The following GCNT2 variants were observed in gnomAD, a reference collection of about 807,000 sequenced individuals.
The protein encoded by GCNT2 is glucosaminyl (N-acetyl) transferase 2 (I blood group).
GCNT2 carries 34 observed loss-of-function variants against 34.2 expected under a neutral mutation model. That is an observed-to-expected ratio of 1.00 (90% CI 0.76 to 1.32). The LOEUF is 1.32. Ranked by LOEUF, GCNT2 falls within the 40% of genes most tolerant of loss-of-function variation. The probability of loss-of-function intolerance (pLI) is 0.00; values close to 1 mark genes in which losing one functional copy is unlikely to be tolerated. For synonymous variants in GCNT2, 212 were observed against 188.0 expected (o/e 1.13, Z -1.04); for missense variants, 584 against 489.4 (o/e 1.19, Z -1.82).
chr6:10,556,239 T>C (rs1247452725), intron 3 of GCNT2: 4 of 1,448,794 alleles, frequency 2.8e-6, no homozygotes, highest in East Asian at 5.0e-5. Context: ...CTGGCTGTAA[T>C]ATCGGCACAG....
chr6:10,546,435 G>A (rs758626333), intron 3 of GCNT2, among the ~76,000 whole-genome samples: 192 of 152,236 alleles, frequency 1.3e-3, no homozygotes, highest in Middle Eastern at 6.8e-3. Flanking sequence ...GAGGTGGGCG[G>A]ATCATGAGGT....
intron 3 of GCNT2, among the ~76,000 whole-genome samples, chr6:10,559,316 A>G (rs1762866911): frequency 6.6e-6 from 1 of 152,198 alleles, no homozygotes; most frequent in Non-Finnish European, 1.5e-5. Context: ...CGACATCTAC[A>G]TGGGTAGAGG....
At chr6:10,610,054 G>C (rs1300605276) in intron 3 of GCNT2, among the ~76,000 whole-genome samples, 1 of 152,202 alleles carries the variant, frequency 6.6e-6, no homozygotes, top group Non-Finnish European at 1.5e-5. Flanking sequence ...TGCAGACAGA[G>C]AGACCCACTG....
At chr6:10,607,389 C>T (rs1386482112) in intron 3 of GCNT2, among the ~76,000 whole-genome samples, 2 of 152,126 alleles carry the variant, frequency 1.3e-5, no homozygotes, top group Non-Finnish European at 2.9e-5. Flanking sequence ...AGATGCCACA[C>T]ACTTTTAAAC....
intron 3 of GCNT2, among the ~76,000 whole-genome samples, chr6:10,613,940 G>A (rs1056250053): frequency 6.6e-6 from 1 of 152,124 alleles, no homozygotes; most frequent in African/African-American, 2.4e-5. Flanking sequence ...CTCAGCCTGG[G>A]ATCAGTCTCT....
chr6:10,622,988 C>T (rs905488428), intron 4 of GCNT2, among the ~76,000 whole-genome samples: 4 of 151,682 alleles, frequency 2.6e-5, no homozygotes, highest in African/African-American at 7.3e-5. Flanking sequence ...CTCTTGACCT[C>T]GTGATCTGCC....
intron 3 of GCNT2, among the ~76,000 whole-genome samples, chr6:10,550,805 C>T (rs1337074665): frequency 1.3e-5 from 2 of 152,188 alleles, no homozygotes; most frequent in African/African-American, 2.4e-5. Flanking sequence ...ATTAAACTCA[C>T]CTGGAACCTA....
At chr6:10,542,624 C>T (rs895991513) in intron 3 of GCNT2, among the ~76,000 whole-genome samples, 1 of 152,186 alleles carries the variant, frequency 6.6e-6, no homozygotes, top group African/African-American at 2.4e-5. Context: ...TCATGCGTAG[C>T]TCCTTTTACT....
intron 3 of GCNT2, among the ~76,000 whole-genome samples, chr6:10,533,433 T>C (rs754324119): frequency 6.6e-6 from 1 of 151,722 alleles, no homozygotes; most frequent in Non-Finnish European, 1.5e-5. Context: ...AAAATCAAAT[T>C]TTAGATTTTC....
intron 3 of GCNT2, among the ~76,000 whole-genome samples, chr6:10,531,519 A>G (rs1023609554): frequency 6.6e-6 from 1 of 152,186 alleles, no homozygotes; most frequent in South Asian, 2.1e-4. Flanking sequence ...ACAGCTTCCA[A>G]GTGATTCTCA....
intron 3 of GCNT2, among the ~76,000 whole-genome samples, chr6:10,549,537 C>G (rs1762397241): frequency 7.1e-6 from 1 of 141,370 alleles, no homozygotes; most frequent in South Asian, 2.4e-4. Context: ...TTCTGCCTTA[C>G]TTCCTTTCTC....
intron 3 of GCNT2, among the ~76,000 whole-genome samples, chr6:10,543,900 C>G (rs1381274450): frequency 6.6e-6 from 1 of 152,048 alleles, no homozygotes; most frequent in East Asian, 1.9e-4. Flanking sequence ...AAAATGGAGT[C>G]GATTAGGAGA....
chr6:10,523,769 G>C (rs983608857), intron 1 of GCNT2, among the ~76,000 whole-genome samples: 1 of 151,922 alleles, frequency 6.6e-6, no homozygotes, highest in Non-Finnish European at 1.5e-5. Flanking sequence ...TCAGGAGATC[G>C]AGACCATCCT....
rs763587093 is a variant in GCNT2 at position 10,529,115 on chromosome 6, C to A, written c.204C>A (p.Thr68=). ...FYPTENALKT[T]LDEATCYEYM... ...CAACAGAAAATGCATTGAAAACTAC[C>A]CTTGATGAAGCTACCTGCTATGAGT... The change falls in exon 3 of 5, where the codon ACC becomes ACA. Residue 68 remains threonine (T), a synonymous_variant. Coordinates refer to ENST00000495262, the MANE Select transcript of GCNT2 (RefSeq NM_145649.5). 1 of 1,614,052 alleles carries A rather than the reference C, an allele frequency of 6.2e-7. No individual in the cohort carries two copies. The highest frequency in any genetic ancestry group is 1.1e-5 in the South Asian group (1 of 91,074).
chr6:10,540,276 A>T (rs955667354), intron 3 of GCNT2, among the ~76,000 whole-genome samples: 6 of 151,992 alleles, frequency 3.9e-5, no homozygotes, highest in Admixed American at 1.3e-4. Flanking sequence ...AAAGCCTCCT[A>T]CCTCTCCAGG....
chr6:10,531,057 A>G (rs1399887621), intron 3 of GCNT2, among the ~76,000 whole-genome samples: 2 of 151,780 alleles, frequency 1.3e-5, no homozygotes, highest in Non-Finnish European at 2.9e-5. Context: ...AAAAAAAAAA[A>G]GATTTCTAGA....
At chr6:10,587,874 G>C (rs190116393) in intron 3 of GCNT2, among the ~76,000 whole-genome samples, 1 of 152,002 alleles carries the variant, frequency 6.6e-6, no homozygotes, top group African/African-American at 2.4e-5. Flanking sequence ...CAGTGACCCC[G>C]ACAAGCCTCA....
intron 3 of GCNT2, among the ~76,000 whole-genome samples, chr6:10,532,871 T>C (rs1227185861): frequency 6.6e-6 from 1 of 151,842 alleles, no homozygotes; most frequent in Non-Finnish European, 1.5e-5. Flanking sequence ...CATTTTCCGT[T>C]GTAAGGGTCC....
chr6:10,599,537 G>A (rs1053911399), intron 3 of GCNT2, among the ~76,000 whole-genome samples: 2 of 152,176 alleles, frequency 1.3e-5, no homozygotes, highest in Non-Finnish European at 2.9e-5. Flanking sequence ...ACAGTGTGCC[G>A]TATGAATTAG....
Sources: gnomAD v4.1 joint callset for allele counts (sites outside exome capture counted in the v4.1 genomes callset) on GRCh38, gnomAD v4.1.1 for gene constraint, MANE v1.5 for transcripts, NCBI Gene and HGNC (gene_info 2026-07-23, HGNC 2026-07-21) for gene names.